The following MPP7 variants were observed in gnomAD, a reference collection of about 807,000 sequenced individuals.
The protein encoded by MPP7 is MAGUK p55 scaffold protein 7.
MPP7 carries 60 observed loss-of-function variants against 76.5 expected under a neutral mutation model. The observed-to-expected ratio is 0.78, with a 90% CI of 0.64 to 0.97. MPP7 has a LOEUF of 0.97. MPP7 is among the 50% of genes least tolerant of loss of function. The pLI is 0.00. For missense variants in MPP7, 641 were observed against 694.0 expected, an observed-to-expected ratio of 0.92 and a Z score of 0.86; for synonymous variants, 237 against 244.5, an observed-to-expected ratio of 0.97 and a Z score of 0.29.
intron 12 of MPP7, among the ~76,000 whole-genome samples, chr10:28,085,478 C>T (rs1852963253): frequency 6.6e-6 from 1 of 152,118 alleles, no homozygotes; most frequent in Non-Finnish European, 1.5e-5. Flanking sequence ...GGTAGTGAAA[C>T]ATGACAGTTA....
At chr10:28,235,219 C>T (rs1041293167) in intron 2 of MPP7, among the ~76,000 whole-genome samples, 1 of 151,708 alleles carries the variant, frequency 6.6e-6, no homozygotes, top group Non-Finnish European at 1.5e-5. Flanking sequence ...ATGACATTAA[C>T]GGAAAATGAA....
At chr10:28,218,942 T>C (rs1271770112) in intron 2 of MPP7, among the ~76,000 whole-genome samples, 1 of 152,144 alleles carries the variant, frequency 6.6e-6, no homozygotes, top group African/African-American at 2.4e-5. Context: ...TCCCTCCACC[T>C]CCACAGCACT....
chr10:28,288,391 T>C (rs1840835033), intron 1 of MPP7, among the ~76,000 whole-genome samples: 1 of 151,998 alleles, frequency 6.6e-6, no homozygotes, highest in African/African-American at 2.4e-5. Flanking sequence ...AAGTGCACAC[T>C]ACCATATCCT....
intron 12 of MPP7, among the ~76,000 whole-genome samples, chr10:28,088,257 T>G (rs149410570): frequency 6.6e-6 from 1 of 152,198 alleles, no homozygotes; most frequent in Non-Finnish European, 1.5e-5. Context: ...AAAGAACAAT[T>G]AACAAGAGTG....
chr10:28,323,271 C>T (rs1343538793), intron 2 of MPP7, among the ~76,000 whole-genome samples: 1 of 151,636 alleles, frequency 6.6e-6, no homozygotes, highest in Non-Finnish European at 1.5e-5. Flanking sequence ...TGTGACAGAG[C>T]GACACTCCAT....
intron 8 of MPP7, among the ~76,000 whole-genome samples, chr10:28,121,744 G>A (rs1834847795): frequency 6.6e-6 from 1 of 151,970 alleles, no homozygotes; most frequent in Admixed American, 6.6e-5. Context: ...AAGGAAGGGG[G>A]GTAGGGCAAG....
chr10:28,218,774 C>T (rs1382367629), intron 2 of MPP7, among the ~76,000 whole-genome samples: 1 of 151,910 alleles, frequency 6.6e-6, no homozygotes, highest in Non-Finnish European at 1.5e-5. Flanking sequence ...TTAAAAACAC[C>T]AGAATTTTTT....
chr10:28,265,987 A>G (rs762924415), intron 1 of MPP7, among the ~76,000 whole-genome samples: 6 of 152,052 alleles, frequency 3.9e-5, no homozygotes, highest in Non-Finnish European at 8.8e-5. Flanking sequence ...TTTGTTTTGG[A>G]GACAGGGTCT....
Position 28,092,740 on chromosome 10 carries a change from A to ATTTTTTTTTT in MPP7, c.953-2909_953-2900dup, listed in dbSNP as rs536385197. Among the ~76,000 whole-genome samples, 21 of 105,514 alleles carry ATTTTTTTTTT rather than the reference A, an allele frequency of 2.0e-4. 3 individuals carry two copies. Among genetic ancestry groups the ATTTTTTTTTT allele is most frequent in the African/African-American group, 7.8e-4 (20 of 25,704 alleles). The allele number at this position is 105,514 out of a possible 152,430, so 69.2% of individuals were successfully genotyped here. A position where few individuals can be genotyped will look rare whatever the true frequency, so the allele number is the denominator to read the frequency against. ...GGCATGTGCCACCACACCTGGCTCA[A>ATTTTTTTTTT]TTTTTTTTTTTTTTTTTTTTGAAGA... On this transcript the variant is annotated intron_variant, in intron 11 of 16. Transcript: ENST00000683449.
chr10:28,212,036 C>G (rs1227752747), intron 2 of MPP7, among the ~76,000 whole-genome samples: 1 of 151,972 alleles, frequency 6.6e-6, no homozygotes. Context: ...TCATGTGAGC[C>G]CAGGAGATCT....
At chr10:28,104,177 A>T (rs1386124730) in intron 11 of MPP7, among the ~76,000 whole-genome samples, 1 of 152,154 alleles carries the variant, frequency 6.6e-6, no homozygotes, top group Non-Finnish European at 1.5e-5. Flanking sequence ...GCAAAGAAAA[A>T]GTTAAGACAC....
At chr10:28,104,190 C>G (rs1160709181) in intron 11 of MPP7, among the ~76,000 whole-genome samples, 1 of 151,826 alleles carries the variant, frequency 6.6e-6, no homozygotes, top group Non-Finnish European at 1.5e-5. Flanking sequence ...TAAGACACAA[C>G]CAGAAGACCA....
intron 13 of MPP7, among the ~76,000 whole-genome samples, chr10:28,065,957 T>C (rs1277359511): frequency 6.6e-6 from 1 of 152,222 alleles, no homozygotes; most frequent in Non-Finnish European, 1.5e-5. Flanking sequence ...TTACCTATTT[T>C]ATTTTAATTT....
In MPP7 at chr10:28,053,903, T is replaced by C. The variant is rs1851446467; in HGVS notation, c.*162A>G. ...GGATCTTATACTAACACATGGCGTTTGAAATAAGGCTGTAAAAAGATACAA... is the reference window on the plus strand; with the variant it reads ...GGATCTTATACTAACACATGGCGTTCGAAATAAGGCTGTAAAAAGATACAA... On this transcript the variant is annotated 3_prime_UTR_variant, in exon 17 of 17. Transcript: ENST00000683449. The C allele has an allele frequency of 4.7e-6, 3 of 636,762 alleles. No individual in the cohort carries two copies. Among genetic ancestry groups the C allele is most frequent in the Non-Finnish European group, 8.2e-6 (3 of 365,092 alleles). The allele number at this position is 636,762 out of a possible 1,614,324, so 39.4% of individuals were successfully genotyped here.
chr10:28,283,579 A>G (rs570071486), intron 1 of MPP7, among the ~76,000 whole-genome samples: 6 of 152,092 alleles, frequency 3.9e-5, no homozygotes, highest in African/African-American at 1.4e-4. Flanking sequence ...CAGTGGCGCA[A>G]TCTCAGCTCA....
At position 28,223,526 on chromosome 10, in the gene MPP7, T is replaced by C. The variant is rs143228124; in HGVS notation, c.37+15042A>G. Among the ~76,000 whole-genome samples the C allele has an allele frequency of 4.4e-3, 677 of 152,320 alleles. 5 individuals are homozygous for C. The highest frequency in any genetic ancestry group is 8.0e-3 in the Non-Finnish European group (541 of 68,020). On this transcript the variant is annotated intron_variant, in intron 2 of 16. Coordinates refer to ENST00000683449, the MANE Select transcript of MPP7 (RefSeq NM_001318170.2). ...CTATACAAGTACTGTAGAGATTATG[T>C]TTGTCAGAGTTCTTCTAACTAACTT...
chr10:28,101,401 G>T (rs1036412938), intron 11 of MPP7, among the ~76,000 whole-genome samples: 1 of 152,096 alleles, frequency 6.6e-6, no homozygotes, highest in African/African-American at 2.4e-5. Flanking sequence ...GATCAGTGTT[G>T]CTTCAACATA....
rs1851826601 is a variant in MPP7 at position 28,062,498 on chromosome 10, A to G, written c.1205-2755T>C. ...ACAAACAGAAAACAAATAATAAAAT[A>G]GTAGCTTAAATTCAATCATTTCCAT... On this transcript the variant is annotated intron_variant, in intron 13 of 16. Transcript: ENST00000683449. Among the ~76,000 whole-genome samples, 3 of 151,666 alleles carry G rather than the reference A, an allele frequency of 2.0e-5. No individual in the cohort carries two copies. In the South Asian group the frequency reaches 6.2e-4, roughly 32 times the overall value.
upstream of MPP7, among the ~76,000 whole-genome samples, chr10:28,304,081 A>T (rs1234914830): frequency 2.0e-5 from 3 of 152,222 alleles, no homozygotes; most frequent in Admixed American, 2.0e-4. Flanking sequence ...CAGAAAAAAA[A>T]TAATGTGACA....
Sources: gnomAD v4.1 joint callset for allele counts (sites outside exome capture counted in the v4.1 genomes callset) on GRCh38, gnomAD v4.1.1 for gene constraint, MANE v1.5 for transcripts, NCBI Gene and HGNC (gene_info 2026-07-23, HGNC 2026-07-21) for gene names.